LGALS4: variants seen among roughly 807,000 people sequenced by gnomAD.
LGALS4 encodes the protein galectin-4.
Under a neutral mutation model 39.6 loss-of-function variants are expected in LGALS4, and 37 were observed. The ratio of observed to expected loss-of-function variants is 0.93; its 90% CI spans 0.72 to 1.23. LGALS4 has a LOEUF of 1.23. Ranked by LOEUF, LGALS4 falls within the 50% of genes most tolerant of loss-of-function variation. LGALS4 has a pLI of 0.00. For missense variants in LGALS4, 397 were observed against 433.2 expected, an observed-to-expected ratio of 0.92 and a Z score of 0.74; for synonymous variants, 160 against 165.5, an observed-to-expected ratio of 0.97 and a Z score of 0.25.
intron 7 of LGALS4, 111 bp from the exon 8 acceptor site, chr19:38,802,515 G>T (rs1294895527): frequency 2.5e-6 from 2 of 790,394 alleles, no homozygotes; most frequent in Non-Finnish European, 4.2e-6. Context: ...TCTTATAAGA[G>T]ATGGGGTCTT....
intron 7 of LGALS4, among the ~76,000 whole-genome samples, chr19:38,802,853 A>C (rs1971373817): frequency 6.7e-6 from 1 of 149,138 alleles, no homozygotes; most frequent in South Asian, 2.1e-4. Flanking sequence ...AACTTTTGTC[A>C]TTTTAGTAGA....
intron 3 of LGALS4, 83 bp from the exon 4 acceptor site, chr19:38,806,678 G>A (rs1971425946): frequency 6.8e-7 from 1 of 1,466,792 alleles, no homozygotes; most frequent in Non-Finnish European, 9.4e-7. Context: ...AGGGCACCCT[G>A]GCTCACGCCT....
chr19:38,808,676 A>G (rs1971452982), intron 3 of LGALS4, 68 bp downstream of exon 3: 1 of 1,204,854 alleles, frequency 8.3e-7, no homozygotes, highest in Non-Finnish European at 1.2e-6. Context: ...GAAGGCGGGA[A>G]GGAAGGAAGC....
chr19:38,811,765 G>A (rs547613039), intron 2 of LGALS4, among the ~76,000 whole-genome samples: 2 of 152,084 alleles, frequency 1.3e-5, no homozygotes, highest in Non-Finnish European at 2.9e-5. Context: ...TGTAATCCCA[G>A]CACTTTGGGA....
intron 2 of LGALS4, among the ~76,000 whole-genome samples, chr19:38,811,424 G>T (rs1252700179): frequency 6.6e-6 from 1 of 151,974 alleles, no homozygotes; most frequent in East Asian, 1.9e-4. Context: ...CTTGAGCACA[G>T]GAGTTCAAGA....
At chr19:38,806,691 A>G in intron 3 of LGALS4, 96 bp from the exon 4 acceptor site, 1 of 1,351,210 alleles carries the variant, frequency 7.4e-7, no homozygotes, top group Non-Finnish European at 1.0e-6. Flanking sequence ...TCACGCCTCT[A>G]ATCCCAGCAC....
At chr19:38,812,708 G>A (rs1368763690) in intron 1 of LGALS4, 134 bp downstream of exon 1, 6 of 1,060,262 alleles carry the variant, frequency 5.7e-6, no homozygotes, top group South Asian at 1.4e-5. Flanking sequence ...GGAGTAAATC[G>A]AGGGTCGGGG....
At chr19:38,805,088 C>A (rs2145354876) in intron 4 of LGALS4, among the ~76,000 whole-genome samples, 1 of 151,020 alleles carries the variant, frequency 6.6e-6, no homozygotes, top group Admixed American at 6.6e-5. Context: ...CACTTGAACC[C>A]AGGAAGTCAA....
intron 2 of LGALS4, among the ~76,000 whole-genome samples, chr19:38,811,665 A>G (rs940835079): frequency 2.7e-5 from 4 of 150,690 alleles, no homozygotes; most frequent in African/African-American, 7.3e-5. Context: ...ATCTCTAAGG[A>G]AAAAAAAAGT....
rs1372537576 is a variant in LGALS4, at chr19:38,802,077, A to T, written c.740T>A (p.Val247Asp). Residue 247 changes from valine (V) to aspartate (D), a missense_variant, in exon 9 of 10, where the codon GTC (valine) becomes GAC (aspartate). Coordinates refer to ENST00000307751, the MANE Select transcript of LGALS4 (RefSeq NM_006149.4). ...CGAGCCATTCAGAAGGCTGTTCCGG[A>T]CCACGGTACCGTTGCCCATGCGGGG... ...INPRMGNGTV[V>D]RNSLLNGSWG... 3 of 1,614,130 alleles carry T rather than the reference A, an allele frequency of 1.9e-6. No homozygotes were observed. Among genetic ancestry groups the T allele is most frequent in the Non-Finnish European group, 8.5e-7 (1 of 1,180,024 alleles).
chr19:38,809,474 C>T (rs1210153287), intron 2 of LGALS4, among the ~76,000 whole-genome samples: 1 of 151,580 alleles, frequency 6.6e-6, no homozygotes, highest in Non-Finnish European at 1.5e-5. Flanking sequence ...GACACCGTGC[C>T]TGACATTTTT....
chr19:38,803,844 CCCTCA>C lies in LGALS4; in HGVS notation c.501+20_501+24del. The C allele has an allele frequency of 6.2e-7, 1 of 1,612,648 alleles. No individual in the cohort carries two copies. Among genetic ancestry groups the C allele is most frequent in the Non-Finnish European group, 8.5e-7 (1 of 1,179,320 alleles). ...TGAGGGACCCCACTAGGGAGGAAGA[CCCTCA>C]CCTATCAGCAAGTACTTACAGGGTA... On this transcript the variant is annotated intron_variant, in intron 5 of 9. Coordinates refer to ENST00000307751, the MANE Select transcript of LGALS4 (RefSeq NM_006149.4).
At chr19:38,808,136 A>G (rs1971444956) in intron 3 of LGALS4, among the ~76,000 whole-genome samples, 1 of 151,178 alleles carries the variant, frequency 6.6e-6, no homozygotes. Context: ...AAATAAATAA[A>G]TAAATAATAA....
At position 38,812,487 on chromosome 19, in the gene LGALS4, C is replaced by T. The variant is rs1327436767; in HGVS notation, c.78G>A (p.Gly26=). Residue 26 remains glycine (G), a synonymous_variant, in exon 2 of 10, where the codon GGG becomes GGA. Transcript: ENST00000307751. Reference sequence around the variant, plus strand: ...TGTAAACAGACATTCCCACGTTGAGCCCGCCCGGGATGGGCTGGTAGTAAG... The same window carrying T: ...TGTAAACAGACATTCCCACGTTGAGTCCGCCCGGGATGGGCTGGTAGTAAG... ...TLPYYQPIPG[G]LNVGMSVYIQ... is the part of the protein sequence containing the mutation. 1.2e-6 allele frequency: 2 copies of T among 1,614,200 alleles called. No homozygotes were observed. The highest frequency in any genetic ancestry group is 3.3e-5 in the Admixed American group (2 of 60,022).
Position 38,812,484 on chromosome 19 carries a change from G to C in LGALS4, c.81C>G (p.Leu27=), listed in dbSNP as rs757039168. The change falls in exon 2 of 10, where the codon CTC becomes CTG. Residue 27 remains leucine, a synonymous_variant. Coordinates refer to ENST00000307751, the MANE Select transcript of LGALS4 (RefSeq NM_006149.4). The part of the protein sequence containing the change: ...LPYYQPIPGG[L]NVGMSVYIQG... ...GGATGTAAACAGACATTCCCACGTT[G>C]AGCCCGCCCGGGATGGGCTGGTAGT... The C allele has an allele frequency of 1.2e-6, 2 of 1,614,080 alleles. No individual in the cohort carries two copies. Among genetic ancestry groups the C allele is most frequent in the Non-Finnish European group, 1.7e-6 (2 of 1,180,040 alleles).
intron 2 of LGALS4, among the ~76,000 whole-genome samples, chr19:38,811,927 C>T (rs771390499): frequency 2.6e-5 from 4 of 151,762 alleles, no homozygotes; most frequent in African/African-American, 4.8e-5. Flanking sequence ...GCAGGAGAAT[C>T]GCTTGAACCT....
At chr19:38,812,336 G>T in intron 2 of LGALS4, 95 bp downstream of exon 2, 1 of 1,030,644 alleles carries the variant, frequency 9.7e-7, no homozygotes, top group Non-Finnish European at 1.5e-6. Context: ...CTCTCCACCA[G>T]GGTGGGGTAA....
intron 2 of LGALS4, among the ~76,000 whole-genome samples, chr19:38,810,123 T>A (rs1192686851): frequency 4.6e-5 from 7 of 152,200 alleles, no homozygotes; most frequent in African/African-American, 1.4e-4. Flanking sequence ...TGTTCTTTGC[T>A]GATATGTTCC....
intron 4 of LGALS4, among the ~76,000 whole-genome samples, chr19:38,805,725 C>T (rs1363955912): frequency 6.6e-6 from 1 of 152,124 alleles, no homozygotes; most frequent in African/African-American, 2.4e-5. Flanking sequence ...ATCCCTTGAT[C>T]ATCACTGGGC....
Sources: allele counts gnomAD v4.1 joint callset (sites outside exome capture counted in the v4.1 genomes callset), GRCh38; gene constraint gnomAD v4.1.1; transcripts MANE v1.5; gene names NCBI Gene and HGNC (gene_info 2026-07-23, HGNC 2026-07-21).